FBLN7: variants seen among roughly 807,000 people sequenced by gnomAD.
The protein encoded by FBLN7 is fibulin-7.
FBLN7 carries 31 observed loss-of-function variants against 44.0 expected under a neutral mutation model. The ratio of observed to expected loss-of-function variants is 0.70; its 90% CI spans 0.53 to 0.95. The LOEUF (loss-of-function observed/expected upper bound fraction) is 0.95. Ranked by LOEUF, FBLN7 falls within the 40% of genes least tolerant of loss-of-function variation. The pLI is 0.00. For synonymous variants in FBLN7, 262 were observed against 253.4 expected (o/e 1.03, Z -0.32); for missense variants, 573 against 618.5 (o/e 0.93, Z 0.78).
rs1681789682 is a variant in FBLN7, at chr2:112,160,773, G to GCGCACACACACGC, written c.235+938_235+939insCGCACACACACGC. ...GCACGCACACACGCACGCACACGCA[G>GCGCACACACACGC]ACGCACACGCACGCACACGCACACA... On this transcript the variant is annotated intron_variant, in intron 2 of 7. Transcript: ENST00000331203. 2.7e-4 allele frequency among the ~76,000 whole-genome samples: 6 copies of GCGCACACACACGC among 22,070 alleles called. 1 individual carries two copies. The highest frequency in any genetic ancestry group is 6.2e-4 in the Non-Finnish European group (6 of 9,694). 14.5% of individuals were successfully genotyped at this position (22,070 alleles called of 152,430 possible). A position where few individuals can be genotyped will look rare whatever the true frequency, so the allele number is the denominator to read the frequency against.
intron 6 of FBLN7, among the ~76,000 whole-genome samples, chr2:112,184,666 T>C (rs1683160110): frequency 6.7e-6 from 1 of 149,768 alleles, no homozygotes; most frequent in South Asian, 2.1e-4. Context: ...GTATATGGTA[T>C]ATATATGCTG....
rs1261572606 is a variant in FBLN7, at chr2:112,159,848, G to A, written c.235+13G>A. ...GATGCCCTTCCAGGTGGGTCCCCAC[G>A]TCGGCACCGCTGGGGCGGCAGCGCA... On this transcript the variant is annotated intron_variant, in intron 2 of 7. Coordinates refer to ENST00000331203, the MANE Select transcript of FBLN7 (RefSeq NM_153214.3). 8 of 1,518,124 alleles carry A rather than the reference G, an allele frequency of 5.3e-6. No individual in the cohort carries two copies. The highest frequency in any genetic ancestry group is 2.6e-5 in the East Asian group (1 of 38,466). 94.0% of individuals were successfully genotyped at this position (1,518,124 alleles called of 1,614,324 possible). A position where few individuals can be genotyped will look rare whatever the true frequency, so the allele number is the denominator to read the frequency against.
intron 1 of FBLN7, among the ~76,000 whole-genome samples, chr2:112,145,947 T>C (rs1171045426): frequency 6.6e-6 from 1 of 152,252 alleles, no homozygotes; most frequent in African/African-American, 2.4e-5. Context: ...ACTTTATTAT[T>C]CCTTTTCAAA....
At chr2:112,212,308 G>T in the FBLN7 span, 2 of 152,226 alleles carry the variant, frequency 1.3e-5, no homozygotes, top group Admixed American at 1.3e-4. Flanking sequence ...TAGGAGTCAG[G>T]ATTTCAACAC....
At chr2:112,160,773 GA>G (rs1553475038) in intron 2 of FBLN7, among the ~76,000 whole-genome samples, 21 of 22,104 alleles carry the variant, frequency 9.5e-4, no homozygotes, top group Admixed American at 2.8e-3. Flanking sequence ...CGCACACGCA[GA>G]CGCACACGCA....
At chr2:112,164,250 CCATT>C (rs1682021356) in intron 2 of FBLN7, among the ~76,000 whole-genome samples, 1 of 152,188 alleles carries the variant, frequency 6.6e-6, no homozygotes, top group Non-Finnish European at 1.5e-5. Flanking sequence ...AAATAAGGCT[CCATT>C]CATTCATTTG....
the FBLN7 span, among the ~76,000 whole-genome samples, chr2:112,207,302 A>G: frequency 2.0e-5 from 3 of 152,056 alleles, no homozygotes; most frequent in Non-Finnish European, 2.9e-5. Flanking sequence ...CCCTGTCTCT[A>G]CTAAAAATAC....
the FBLN7 span, among the ~76,000 whole-genome samples, chr2:112,241,009 T>TTGTGTGTG: frequency 1.3e-3 from 183 of 145,558 alleles, no homozygotes; most frequent in South Asian, 0.011. Context: ...GTGTTGTGTT[T>TTGTGTGTG]TGTGTGTGTG....
At chr2:112,236,774 C>T in the FBLN7 span, 1 of 1,285,976 alleles carries the variant, frequency 7.8e-7, no homozygotes. Flanking sequence ...GGGCCAGGTG[C>T]AGTGGCTCAT....
the FBLN7 span, among the ~76,000 whole-genome samples, chr2:112,210,267 AG>A: frequency 6.6e-6 from 1 of 152,094 alleles, no homozygotes. Flanking sequence ...AGGTAGCTGC[AG>A]TGGCGATGGA....
At chr2:112,238,470 T>G in the FBLN7 span, 1 of 1,612,974 alleles carries the variant, frequency 6.2e-7, no homozygotes, top group South Asian at 1.1e-5. Context: ...TACATCATAG[T>G]CCTTACTTCT....
chr2:112,208,921 G>T, the FBLN7 span, among the ~76,000 whole-genome samples: 6 of 152,052 alleles, frequency 3.9e-5, no homozygotes, highest in Non-Finnish European at 7.3e-5. Context: ...TTGAATGAAT[G>T]GCTGATTTCA....
the FBLN7 span, chr2:112,231,781 G>A: frequency 1.2e-5 from 14 of 1,132,396 alleles, no homozygotes; most frequent in South Asian, 1.5e-4. Flanking sequence ...CTCATCCTTA[G>A]TTCAAACATA....
chr2:112,187,486 G>T lies in FBLN7; in HGVS notation c.1300G>T (p.Val434Leu). ...ANHVSKVTIF[V>L]SPYDF Reference sequence around the variant, plus strand: ...CCACGTGTCCAAGGTCACCATCTTTGTATCCCCCTATGACTTCTGAGGGTA... The same window carrying T: ...CCACGTGTCCAAGGTCACCATCTTTTTATCCCCCTATGACTTCTGAGGGTA... Residue 434 changes from valine to leucine, a missense_variant, in exon 8 of 8, where the codon GTA (valine) becomes TTA (leucine). Transcript: ENST00000331203. The surrounding 1 kb of genome is among the most constrained non-coding windows in gnomAD (Gnocchi z 5.1). The T allele has an allele frequency of 6.2e-7, 1 of 1,614,116 alleles. No homozygotes were observed. The highest frequency in any genetic ancestry group is 2.2e-5 in the East Asian group (1 of 44,880).
the FBLN7 span, among the ~76,000 whole-genome samples, chr2:112,239,637 T>A: frequency 1.4e-5 from 2 of 140,640 alleles, no homozygotes; most frequent in Non-Finnish European, 1.5e-5. Context: ...CAGGCTGGAG[T>A]GCAGTGGCAC....
chr2:112,214,871 T>G, the FBLN7 span: 2 of 152,174 alleles, frequency 1.3e-5, no homozygotes, highest in East Asian at 3.9e-4. Context: ...TCAACACAAA[T>G]TAAGATATTT....
downstream of FBLN7, chr2:112,190,199 C>T (rs1430510153): frequency 2.6e-5 from 4 of 152,150 alleles, no homozygotes; most frequent in African/African-American, 9.7e-5. Context: ...TTAGGCAAGA[C>T]TACTTTATTG....
chr2:112,227,527 A>C, the FBLN7 span, among the ~76,000 whole-genome samples: 1 of 152,254 alleles, frequency 6.6e-6, no homozygotes, highest in African/African-American at 2.4e-5. Context: ...ACTTTGTCTC[A>C]AAAAACAAAG....
In FBLN7 at chr2:112,138,569, A is replaced by G; in HGVS notation, c.-87A>G. On this transcript the variant is annotated 5_prime_UTR_variant, in exon 1 of 8. Transcript: ENST00000331203. ...GGCCGCGCGGCGCCCCGCACCCTGC[A>G]GGGACGGCTGCCGCATCGCTGGGAC... 6.9e-7 allele frequency: 1 copy of G among 1,440,414 alleles called. No individual in the cohort carries two copies. The highest frequency in any genetic ancestry group is 9.4e-7 in the Non-Finnish European group (1 of 1,069,298). 89.2% of individuals were successfully genotyped at this position (1,440,414 alleles called of 1,614,324 possible).
Sources: gnomAD v4.1 joint callset for allele counts (sites outside exome capture counted in the v4.1 genomes callset) on GRCh38, gnomAD v4.1.1 for gene constraint, Gnocchi (gnomAD v3.1) non-coding constraint, MANE v1.5 for transcripts, NCBI Gene and HGNC (gene_info 2026-07-23, HGNC 2026-07-21) for gene names.